Variants in GALNT7 observed in about 807,000 individuals in gnomAD.
GALNT7 encodes polypeptide N-acetylgalactosaminyltransferase 7.
Under a neutral mutation model 82.1 loss-of-function variants are expected in GALNT7, and 60 were observed. That is an observed-to-expected ratio of 0.73 (90% CI 0.59 to 0.91). The LOEUF (loss-of-function observed/expected upper bound fraction) is 0.91, where lower values mean the gene tolerates loss of function less well. GALNT7 is among the 40% of genes least tolerant of loss of function. GALNT7 has a pLI of 0.00. For missense variants in GALNT7, 660 were observed against 804.2 expected, an observed-to-expected ratio of 0.82 and a Z score of 2.17; for synonymous variants, 243 against 275.1, an observed-to-expected ratio of 0.88 and a Z score of 1.15.
rs66792322 is a variant in GALNT7 at position 173,182,817 on chromosome 4, T to TACACACACAC, written c.126+13874_126+13883dup. ...GATGAGGCTAGTAGGTTACTCATAA[T>TACACACACAC]ACACACACACACACACACACACACA... On this transcript the variant is annotated intron_variant, in intron 1 of 11. Transcript: ENST00000265000. Among the ~76,000 whole-genome samples the TACACACACAC allele has an allele frequency of 6.5e-4, 88 of 134,922 alleles. 1 individual carries two copies. The highest frequency in any genetic ancestry group is 2.1e-3 in the African/African-American group (72 of 34,558). The allele number at this position is 134,922 out of a possible 152,430, so 88.5% of individuals were successfully genotyped here.
intron 1 of GALNT7, among the ~76,000 whole-genome samples, chr4:173,209,435 G>C (rs567111249): frequency 5.1e-4 from 78 of 152,320 alleles, no homozygotes; most frequent in African/African-American, 1.7e-3. Flanking sequence ...TTGCTTTTAG[G>C]TCTAGGACTG....
At chr4:173,199,509 T>A (rs941375310) in intron 1 of GALNT7, among the ~76,000 whole-genome samples, 1 of 152,202 alleles carries the variant, frequency 6.6e-6, no homozygotes, top group Non-Finnish European at 1.5e-5. Flanking sequence ...GTTACAGTTG[T>A]CATCACTGTA....
At chr4:173,218,421 G>A (rs1308523599) in intron 1 of GALNT7, among the ~76,000 whole-genome samples, 2 of 152,160 alleles carry the variant, frequency 1.3e-5, no homozygotes, top group East Asian at 1.9e-4. Flanking sequence ...TTAAATTATG[G>A]AGAACAAGAT....
intron 1 of GALNT7, among the ~76,000 whole-genome samples, chr4:173,227,159 G>A (rs1250096607): frequency 3.9e-5 from 6 of 152,202 alleles, no homozygotes; most frequent in East Asian, 3.9e-4. Flanking sequence ...CCACTTTGGA[G>A]AGAAAAACTG....
chr4:173,193,433 A>C (rs1432760907), intron 1 of GALNT7, among the ~76,000 whole-genome samples: 1 of 152,180 alleles, frequency 6.6e-6, no homozygotes, highest in Non-Finnish European at 1.5e-5. Flanking sequence ...ACATACATGA[A>C]GTTTCTGCCT....
At chr4:173,284,243 T>A (rs914442227) in intron 2 of GALNT7, among the ~76,000 whole-genome samples, 2 of 152,216 alleles carry the variant, frequency 1.3e-5, no homozygotes, top group African/African-American at 4.8e-5. Flanking sequence ...TTATAAACCA[T>A]TTTTTGAAGA....
At chr4:173,245,701 T>C (rs1734602647) in intron 1 of GALNT7, among the ~76,000 whole-genome samples, 1 of 152,208 alleles carries the variant, frequency 6.6e-6, no homozygotes, top group African/African-American at 2.4e-5. Flanking sequence ...CATAAGTAAG[T>C]ATAATTTTGG....
At chr4:173,169,005 C>A in intron 1 of GALNT7, 44 bp downstream of exon 1, 1 of 1,601,522 alleles carries the variant, frequency 6.2e-7, no homozygotes, top group Non-Finnish European at 8.5e-7. Flanking sequence ...CGACCGGCAA[C>A]TTGTTTTGTT....
At chr4:173,279,434 A>G (rs1187772504) in intron 2 of GALNT7, among the ~76,000 whole-genome samples, 1 of 152,202 alleles carries the variant, frequency 6.6e-6, no homozygotes, top group Non-Finnish European at 1.5e-5. Context: ...ACTGGGGACT[A>G]CATTTTAACA....
intron 1 of GALNT7, among the ~76,000 whole-genome samples, chr4:173,247,465 C>T (rs1264407590): frequency 6.6e-6 from 1 of 151,874 alleles, no homozygotes; most frequent in African/African-American, 2.4e-5. Context: ...CGGGACTCTG[C>T]ATATCCCCGC....
At chr4:173,258,485 T>C (rs1238883088) in intron 2 of GALNT7, among the ~76,000 whole-genome samples, 2 of 152,226 alleles carry the variant, frequency 1.3e-5, no homozygotes, top group Non-Finnish European at 2.9e-5. Flanking sequence ...CTGTGACTGC[T>C]GCTTTTCTTA....
At chr4:173,314,690 A>G (rs1737528511) in intron 9 of GALNT7, among the ~76,000 whole-genome samples, 1 of 152,150 alleles carries the variant, frequency 6.6e-6, no homozygotes, top group South Asian at 2.1e-4. Flanking sequence ...TACTCCAACA[A>G]TGCTTTTCAA....
intron 2 of GALNT7, among the ~76,000 whole-genome samples, chr4:173,250,853 C>T (rs1328934812): frequency 1.3e-5 from 2 of 152,160 alleles, no homozygotes; most frequent in Non-Finnish European, 2.9e-5. Context: ...TATGCTCTTC[C>T]CTCCTCCATG....
At position 173,248,247 on chromosome 4, in the gene GALNT7, C is replaced by T; in HGVS notation, c.394C>T (p.Leu132Phe). 6.2e-7 allele frequency: 1 copy of T among 1,613,946 alleles called. No homozygotes were observed. The highest frequency in any genetic ancestry group is 8.5e-7 in the Non-Finnish European group (1 of 1,179,882). ...YHDPVLRPGI[L>F]GNFEPKEPEP... ...TGATCCTGTGCTTCGCCCAGGGATC[C>T]TCGGTAACTTTGAACCCAAAGAACC... The change falls in exon 2 of 12, where the codon CTC (leucine) becomes TTC (phenylalanine). Residue 132 changes from leucine to phenylalanine, a missense_variant. Physicochemically the swap from Leu to Phe is conservative, Grantham distance 22. This residue lies in a region of GALNT7 where 527 missense variants were observed against 683.5 expected (regional missense o/e 0.77). Transcript: ENST00000265000.
At chr4:173,296,490 T>G (rs2126836949) in intron 5 of GALNT7, among the ~76,000 whole-genome samples, 1 of 152,260 alleles carries the variant, frequency 6.6e-6, no homozygotes, top group East Asian at 1.9e-4. Context: ...CTTTGGAGGA[T>G]TTAATCATGA....
At position 173,313,799 on chromosome 4, in the gene GALNT7, T is replaced by TA. The variant is rs536264285; in HGVS notation, c.1390-158dup. On this transcript the variant is annotated intron_variant, in intron 8 of 11. Transcript: ENST00000265000. The stretch of plus-strand genomic sequence containing the variant: ...TTTTAATCCTTGGCAGATGACATAT[T>TA]AGAGTCATTAACTTGCATTTGTTGT... Among the ~76,000 whole-genome samples, 14 of 152,224 alleles carry TA rather than the reference T, an allele frequency of 9.2e-5. No homozygotes were observed. In the South Asian group the frequency reaches 2.9e-3, roughly 32 times the overall value.
intron 9 of GALNT7, among the ~76,000 whole-genome samples, chr4:173,314,378 C>T (rs1016456162): frequency 6.6e-6 from 1 of 152,204 alleles, no homozygotes; most frequent in Non-Finnish European, 1.5e-5. Flanking sequence ...AGCCTTTGCT[C>T]ATTGGCCCCC....
At chr4:173,246,404 A>G (rs991263377) in intron 1 of GALNT7, among the ~76,000 whole-genome samples, 9 of 152,194 alleles carry the variant, frequency 5.9e-5, no homozygotes, top group African/African-American at 1.7e-4. Flanking sequence ...CTTGTTATAT[A>G]TACACATGTA....
At chr4:173,198,258 C>T (rs1351594997) in intron 1 of GALNT7, among the ~76,000 whole-genome samples, 8 of 143,368 alleles carry the variant, frequency 5.6e-5, no homozygotes, top group South Asian at 2.2e-4. Context: ...TTAGTAGAGA[C>T]GGAGTTTCAC....
Sources: gnomAD v4.1 joint callset for allele counts (sites outside exome capture counted in the v4.1 genomes callset) on GRCh38, gnomAD v4.1.1 for gene constraint, gnomAD v4.1.1 regional missense constraint, MANE v1.5 for transcripts, NCBI Gene and HGNC (gene_info 2026-07-23, HGNC 2026-07-21) for gene names.